Variants in BAIAP2L1 observed in about 807,000 individuals in gnomAD.
BAIAP2L1 encodes the protein BAR/IMD domain-containing adapter protein 2-like 1.
In BAIAP2L1, 35 loss-of-function variants were observed where a neutral mutation model predicts 66.3. The ratio of observed to expected loss-of-function variants is 0.53; its 90% CI spans 0.40 to 0.70. BAIAP2L1 has a LOEUF of 0.70. Among genes scored for constraint, BAIAP2L1 ranks in the 30% least tolerant of loss-of-function variants. The pLI is 0.00. For synonymous variants in BAIAP2L1, 269 were observed against 248.7 expected (o/e 1.08, Z -0.77); for missense variants, 622 against 656.9 (o/e 0.95, Z 0.58).
intron 10 of BAIAP2L1, 91 bp from the exon 11 acceptor site, chr7:98,306,607 A>C (rs1800667381): frequency 6.3e-7 from 1 of 1,581,564 alleles, no homozygotes; most frequent in African/African-American, 1.3e-5. Context: ...CAGGGCAGAC[A>C]GGTCCACTGC....
Position 98,338,651 on chromosome 7 carries a change from C to T in BAIAP2L1, c.214+16391G>A, listed in dbSNP as rs186769063. 4.6e-3 allele frequency among the ~76,000 whole-genome samples: 706 copies of T among 152,260 alleles called. 2 individuals carry two copies. The highest frequency in any genetic ancestry group is 7.7e-3 in the Non-Finnish European group (527 of 68,034). On this transcript the variant is annotated intron_variant, in intron 3 of 13. Transcript: ENST00000005260. Reference sequence around the variant, plus strand: ...GGTTCACCCGTATTGCAGCATATAGCGGTACTTCATTCTTTTTCGTGGGTA... The same window carrying T: ...GGTTCACCCGTATTGCAGCATATAGTGGTACTTCATTCTTTTTCGTGGGTA...
At position 98,313,982 on chromosome 7, in the gene BAIAP2L1, C is replaced by CTTT. The variant is rs35599338; in HGVS notation, c.639+1475_639+1477dup. ...GGGAGCTGAATACTCCTTTTTCTTC[C>CTTT]TTTTTTTTTTTTTTTTTTTTTGAGA... On this transcript the variant is annotated intron_variant, in intron 7 of 13. Coordinates refer to ENST00000005260, the MANE Select transcript of BAIAP2L1 (RefSeq NM_018842.5). 1.1e-3 allele frequency among the ~76,000 whole-genome samples: 111 copies of CTTT among 100,960 alleles called. 1 individual carries two copies. Among genetic ancestry groups the CTTT allele is most frequent in the Non-Finnish European group, 1.6e-3 (83 of 51,824 alleles). The allele number at this position is 100,960 out of a possible 152,430, so 66.2% of individuals were successfully genotyped here.
chr7:98,312,258 C>T lies in BAIAP2L1; in HGVS notation c.646G>A (p.Glu216Lys), dbSNP rs140394537. The change falls in exon 8 of 14, where the codon GAA becomes AAA. Residue 216 changes from glutamate to lysine, a missense_variant. By Grantham distance (56) the Glu-to-Lys change is moderately conservative (BLOSUM62 1). Transcript: ENST00000005260. The stretch of plus-strand genomic sequence containing the variant: ...CGAGGCAGCTTGGAATTCAGTAGTT[C>T]TGCAGACTGCAAAGCCAAAAGAAGA... The part of the protein sequence containing the change: ...HIHYYHLQSA[E>K]LLNSKLPRWQ... 850 of 1,604,894 alleles carry T rather than the reference C, an allele frequency of 5.3e-4. 6 individuals are homozygous for T. The African/African-American group carries it at 8.1e-3, about 15-fold the overall frequency.
At chr7:98,307,591 A>G in intron 10 of BAIAP2L1, 98 bp downstream of exon 10, 1 of 1,535,296 alleles carries the variant, frequency 6.5e-7, no homozygotes, top group Non-Finnish European at 8.8e-7. Context: ...AACTTTGGCT[A>G]AAATGTGAGC....
intron 1 of BAIAP2L1, among the ~76,000 whole-genome samples, chr7:98,372,226 T>TAA (rs1802527382): frequency 6.6e-6 from 1 of 151,988 alleles, no homozygotes; most frequent in Non-Finnish European, 1.5e-5. Context: ...GGCAACATAG[T>TAA]GAAACCCCCT....
chr7:98,382,083 G>A (rs933072141), intron 1 of BAIAP2L1, among the ~76,000 whole-genome samples: 1 of 151,728 alleles, frequency 6.6e-6, no homozygotes. Flanking sequence ...CTGCCACCAC[G>A]CCCGGCTTTT....
chr7:98,338,627 G>C (rs1341071200), intron 3 of BAIAP2L1, among the ~76,000 whole-genome samples: 1 of 152,028 alleles, frequency 6.6e-6, no homozygotes, highest in Non-Finnish European at 1.5e-5. Context: ...CATAACCAAG[G>C]TTCACCCGTA....
rs1801107145 is a variant in BAIAP2L1 at position 98,317,373 on chromosome 7, T to C, written c.349-17A>G. Reference sequence around the variant, plus strand: ...TAGAGTTGCCTGTAAGTTAAATGGCTGTGCTTATTTTACTGTGGCACCACA... The same window carrying C: ...TAGAGTTGCCTGTAAGTTAAATGGCCGTGCTTATTTTACTGTGGCACCACA... On this transcript the variant is annotated splice_polypyrimidine_tract_variant and intron_variant, in intron 5 of 13. Coordinates refer to ENST00000005260, the MANE Select transcript of BAIAP2L1 (RefSeq NM_018842.5). The C allele has an allele frequency of 1.1e-5, 18 of 1,611,900 alleles. No homozygotes were observed. Among genetic ancestry groups the C allele is most frequent in the Non-Finnish European group, 1.4e-5 (17 of 1,179,376 alleles).
chr7:98,364,142 A>G (rs1291642206), intron 1 of BAIAP2L1, among the ~76,000 whole-genome samples: 1 of 151,902 alleles, frequency 6.6e-6, no homozygotes, highest in East Asian at 1.9e-4. Context: ...TTTCTATGCA[A>G]TTAGATGGCA....
At chr7:98,312,419 G>C (rs1800907218) in intron 7 of BAIAP2L1, among the ~76,000 whole-genome samples, 155 bp from the exon 8 acceptor site, 1 of 152,216 alleles carries the variant, frequency 6.6e-6, no homozygotes, top group Non-Finnish European at 1.5e-5. Context: ...TAAGCACCTA[G>C]AGGATCAGCT....
At position 98,393,181 on chromosome 7, in the gene BAIAP2L1, A is replaced by G. The variant is rs1803111121; in HGVS notation, c.51+7621T>C. On this transcript the variant is annotated intron_variant, in intron 1 of 13. Transcript: ENST00000005260. ...TACACATATATGTATATATATACAT[A>G]TATGTGTGTGTTTATATATATATGT... Among the ~76,000 whole-genome samples, 4 of 122,632 alleles carry G rather than the reference A, an allele frequency of 3.3e-5. No individual in the cohort carries two copies. In the South Asian group the frequency reaches 9.0e-4, roughly 27 times the overall value. The allele number at this position is 122,632 out of a possible 152,430, so 80.5% of individuals were successfully genotyped here.
intron 3 of BAIAP2L1, among the ~76,000 whole-genome samples, chr7:98,342,125 C>A (rs761886216): frequency 6.9e-6 from 1 of 145,788 alleles, no homozygotes; most frequent in Non-Finnish European, 1.5e-5. Context: ...AATCATGGCT[C>A]ACTGCAACCT....
At position 98,307,735 on chromosome 7, in the gene BAIAP2L1, C is replaced by T; in HGVS notation, c.1117G>A (p.Glu373Lys). The change falls in exon 10 of 14, where the codon GAG (glutamate) becomes AAG (lysine). Residue 373 changes from glutamate to lysine, a missense_variant. Coordinates refer to ENST00000005260, the MANE Select transcript of BAIAP2L1 (RefSeq NM_018842.5). The part of the protein sequence containing the change: ...QGDVITLLIP[E>K]EKDGWLYGEH... Reference sequence around the variant, plus strand: ...CCATAGAGCCAGCCATCCTTCTCCTCGGGGATGAGCAGCGTGATGACATCT... The same window carrying T: ...CCATAGAGCCAGCCATCCTTCTCCTTGGGGATGAGCAGCGTGATGACATCT... 1.9e-6 allele frequency: 3 copies of T among 1,614,226 alleles called. No individual in the cohort carries two copies. Among genetic ancestry groups the T allele is most frequent in the Non-Finnish European group, 2.5e-6 (3 of 1,180,042 alleles).
At chr7:98,374,832 T>C (rs1236819533) in intron 1 of BAIAP2L1, among the ~76,000 whole-genome samples, 1 of 152,204 alleles carries the variant, frequency 6.6e-6, no homozygotes, top group African/African-American at 2.4e-5. Context: ...ATGCCTGTAA[T>C]TCCAGCACTT....
chr7:98,300,824 C>A (rs1047214167), intron 12 of BAIAP2L1, among the ~76,000 whole-genome samples: 1 of 152,102 alleles, frequency 6.6e-6, no homozygotes. Context: ...TGGCTGGTGC[C>A]CGACCCCAGC....
intron 3 of BAIAP2L1, among the ~76,000 whole-genome samples, chr7:98,339,236 A>T (rs879758705): frequency 1.3e-5 from 2 of 152,150 alleles, no homozygotes; most frequent in Non-Finnish European, 2.9e-5. Flanking sequence ...CCCACCAGCA[A>T]TGGTCAAGGG....
At chr7:98,376,800 C>A (rs1033322657) in intron 1 of BAIAP2L1, among the ~76,000 whole-genome samples, 1 of 152,040 alleles carries the variant, frequency 6.6e-6, no homozygotes, top group African/African-American at 2.4e-5. Context: ...CCATCGCACT[C>A]CAGCCTAGGC....
Position 98,317,365 on chromosome 7 carries a change from T to C in BAIAP2L1, c.349-9A>G. The C allele has an allele frequency of 3.7e-6, 6 of 1,613,004 alleles. No homozygotes were observed. The highest frequency in any genetic ancestry group is 5.1e-6 in the Non-Finnish European group (6 of 1,179,796). ...TATCTTTTTAGAGTTGCCTGTAAGT[T>C]AAATGGCTGTGCTTATTTTACTGTG... On this transcript the variant is annotated splice_polypyrimidine_tract_variant and intron_variant, in intron 5 of 13. Coordinates refer to ENST00000005260, the MANE Select transcript of BAIAP2L1 (RefSeq NM_018842.5).
rs1562795825 is a variant in BAIAP2L1, at chr7:98,393,076, C to CGTGTACATATATATGT, written c.51+7725_51+7726insACATATATATGTACAC. 4.6e-4 allele frequency among the ~76,000 whole-genome samples: 59 copies of CGTGTACATATATATGT among 127,808 alleles called. 4 individuals are homozygous for CGTGTACATATATATGT. The highest frequency in any genetic ancestry group is 1.7e-3 in the African/African-American group (54 of 31,782). 83.8% of individuals were successfully genotyped at this position (127,808 alleles called of 152,430 possible). A position where few individuals can be genotyped will look rare whatever the true frequency, so the allele number is the denominator to read the frequency against. On this transcript the variant is annotated intron_variant, in intron 1 of 13. Transcript: ENST00000005260. ...ACATATATGTACACATATATGTATA[C>CGTGTACATATATATGT]ACACACATATATACATATATACGTG...
Sources: gnomAD v4.1 joint callset for allele counts (sites outside exome capture counted in the v4.1 genomes callset) on GRCh38, gnomAD v4.1.1 for gene constraint, MANE v1.5 for transcripts, NCBI Gene and HGNC (gene_info 2026-07-23, HGNC 2026-07-21) for gene names.